ADGRB1: variants seen among roughly 807,000 people sequenced by gnomAD.
ADGRB1 encodes the protein adhesion G protein-coupled receptor B1.
ADGRB1 carries 36 observed loss-of-function variants against 175.7 expected under a neutral mutation model. That is an observed-to-expected ratio of 0.20 (90% CI 0.16 to 0.27). ADGRB1 has a LOEUF of 0.27. Among genes scored for constraint, ADGRB1 ranks in the 10% least tolerant of loss-of-function variants. ADGRB1 has a pLI of 1.00. For missense variants in ADGRB1, 1,731 were observed against 2,255.3 expected, an observed-to-expected ratio of 0.77 and a Z score of 4.71; for synonymous variants, 1,054 against 979.4, an observed-to-expected ratio of 1.08 and a Z score of -1.42.
intron 1 of ADGRB1, among the ~76,000 whole-genome samples, chr8:142,451,254 G>T (rs1839333949): frequency 6.6e-6 from 1 of 152,200 alleles, no homozygotes; most frequent in South Asian, 2.1e-4. Flanking sequence ...GGCCGCGGCG[G>T]CTCCTGCTTG....
At position 142,510,916 on chromosome 8, in the gene ADGRB1, T is replaced by TTCCCCCCCC; in HGVS notation, c.2676-16_2676-15insTCCCCCCCC. The TTCCCCCCCC allele has an allele frequency of 1.0e-6, 1 of 969,730 alleles. No homozygotes were observed. Among genetic ancestry groups the TTCCCCCCCC allele is most frequent in the Non-Finnish European group, 1.3e-6 (1 of 789,290 alleles). 60.1% of individuals were successfully genotyped at this position (969,730 alleles called of 1,614,324 possible). On this transcript the variant is annotated splice_polypyrimidine_tract_variant and intron_variant, in intron 17 of 30. Coordinates refer to ENST00000517894, the MANE Select transcript of ADGRB1 (RefSeq NM_001702.3). This position sits in a 1 kb window ranked among gnomAD's most constrained non-coding sequence, Gnocchi z 6.3. Reference sequence around the variant, plus strand: ...ACGCTCCGCCTGTCTCCCTCCCGTGTCCCGCCCGCCCCCAGACCCTCCTCC... The same window carrying TTCCCCCCCC: ...ACGCTCCGCCTGTCTCCCTCCCGTGTTCCCCCCCCCCCGCCCGCCCCCAGACCCTCCTCC...
rs1841316106 is a variant in ADGRB1 at position 142,481,197 on chromosome 8, G to GC, written c.1829-57_1829-56insC. On this transcript the variant is annotated intron_variant, in intron 9 of 30. Transcript: ENST00000517894. Reference sequence around the variant, plus strand: ...GAAGGTCTGCTGCCAGGGGCCAAGGGTGGGATTCCTGGGCCAGGCAGCGGG... The same window carrying GC: ...GAAGGTCTGCTGCCAGGGGCCAAGGGCTGGGATTCCTGGGCCAGGCAGCGGG... 3.3e-6 allele frequency: 5 copies of GC among 1,521,520 alleles called. No homozygotes were observed. In the East Asian group the frequency reaches 1.1e-4, roughly 34 times the overall value. 94.3% of individuals were successfully genotyped at this position (1,521,520 alleles called of 1,614,324 possible). A position where few individuals can be genotyped will look rare whatever the true frequency, so the allele number is the denominator to read the frequency against.
chr8:142,510,916 T>TAC lies in ADGRB1; in HGVS notation c.2676-16_2676-15insAC. ...ACGCTCCGCCTGTCTCCCTCCCGTG[T>TAC]CCCGCCCGCCCCCAGACCCTCCTCC... is the stretch of plus-strand genomic sequence containing the variant. On this transcript the variant is annotated splice_polypyrimidine_tract_variant and intron_variant, in intron 17 of 30. Coordinates refer to ENST00000517894, the MANE Select transcript of ADGRB1 (RefSeq NM_001702.3). The surrounding 1 kb of genome is among the most constrained non-coding windows in gnomAD (Gnocchi z 6.3). 1.3e-4 allele frequency: 130 copies of TAC among 969,066 alleles called. No homozygotes were observed. Among genetic ancestry groups the TAC allele is most frequent in the Middle Eastern group, 4.8e-4 (1 of 2,088 alleles). The allele number at this position is 969,066 out of a possible 1,614,324, so 60.0% of individuals were successfully genotyped here.
rs191081002 is a variant in ADGRB1 at position 142,519,182 on chromosome 8, G to A, written c.2921+941G>A. The stretch of plus-strand genomic sequence containing the variant: ...GATTCCACAAAACATCTGGGGAATG[G>A]GGTTCAGGGGCTCTGAACTCAGCTC... On this transcript the variant is annotated intron_variant, in intron 19 of 30. Coordinates refer to ENST00000517894, the MANE Select transcript of ADGRB1 (RefSeq NM_001702.3). Among the ~76,000 whole-genome samples the A allele has an allele frequency of 8.5e-5, 13 of 152,250 alleles. No homozygotes were observed. In the East Asian group the frequency reaches 2.5e-3, roughly 29 times the overall value.
intron 13 of ADGRB1, 107 bp downstream of exon 13, chr8:142,484,871 G>T: frequency 1.2e-6 from 1 of 808,440 alleles, no homozygotes. Context: ...TGACCAGACA[G>T]CCTTTGTGGG....
intron 20 of ADGRB1, among the ~76,000 whole-genome samples, chr8:142,521,318 G>C (rs7386136): frequency 0.85 from 129,409 of 152,100 alleles, 57,805 homozygotes; most frequent in Non-Finnish European, 0.98. Context: ...TCACCCCTAC[G>C]CTCGCCAGCC....
chr8:142,534,483 C>T (rs564040890), intron 25 of ADGRB1, among the ~76,000 whole-genome samples: 2 of 152,310 alleles, frequency 1.3e-5, no homozygotes, highest in East Asian at 3.9e-4. Context: ...GCCTGGGTCA[C>T]GTGTCAGCGC....
intron 27 of ADGRB1, among the ~76,000 whole-genome samples, chr8:142,540,276 C>T (rs1011682710): frequency 3.7e-4 from 56 of 152,354 alleles, no homozygotes; most frequent in African/African-American, 1.2e-3. Flanking sequence ...GAAGTGACTT[C>T]GGGGCTGGGC....
chr8:142,508,519 T>G (rs1842940885), intron 17 of ADGRB1, among the ~76,000 whole-genome samples: 1 of 152,234 alleles, frequency 6.6e-6, no homozygotes. Flanking sequence ...GATTCTATTC[T>G]GTGGTTATCA....
chr8:142,477,912 G>A (rs1176063127), intron 6 of ADGRB1, among the ~76,000 whole-genome samples: 1 of 149,430 alleles, frequency 6.7e-6, no homozygotes, highest in East Asian at 2.0e-4. Flanking sequence ...CCATGTCACA[G>A]GCTGGGTGTG....
At chr8:142,523,136 G>T (rs1045213812) in intron 22 of ADGRB1, among the ~76,000 whole-genome samples, 8 of 152,218 alleles carry the variant, frequency 5.3e-5, no homozygotes, top group Non-Finnish European at 1.0e-4. Context: ...GCAGGGGTCG[G>T]AGGCTTATTT....
chr8:142,480,172 G>T (rs531858719), intron 9 of ADGRB1, among the ~76,000 whole-genome samples: 36 of 152,322 alleles, frequency 2.4e-4, no homozygotes, highest in African/African-American at 8.4e-4. Flanking sequence ...CAAGGAGAAA[G>T]CAGGGCTCCA....
chr8:142,479,443 GC>G lies in ADGRB1; in HGVS notation c.1687del (p.Gln563ArgfsTer27). On this transcript the variant is annotated frameshift_variant, in exon 8 of 31. Coordinates refer to ENST00000517894, the MANE Select transcript of ADGRB1 (RefSeq NM_001702.3). LOFTEE classifies it high-confidence loss of function. ...TTCTTCGGGGGAGCAGCCTGCCAGGGCCCCCAGGATGAGTACCGGCAGTGCG... is the reference window on the plus strand; with the variant it reads ...TTCTTCGGGGGAGCAGCCTGCCAGGGCCCCAGGATGAGTACCGGCAGTGCG... ...GPFFGGAACQ[G>X]PQDEYRQCGT... The G allele has an allele frequency of 1.9e-6, 3 of 1,549,396 alleles. No homozygotes were observed. The highest frequency in any genetic ancestry group is 1.2e-5 in the South Asian group (1 of 82,666).
At chr8:142,489,713 G>A (rs1427580919) in intron 16 of ADGRB1, among the ~76,000 whole-genome samples, 2 of 152,174 alleles carry the variant, frequency 1.3e-5, no homozygotes, top group African/African-American at 4.8e-5. Flanking sequence ...CATTGGCCTG[G>A]TCATTCCGCT....
intron 5 of ADGRB1, 49 bp downstream of exon 5, chr8:142,477,327 G>C (rs1270206754): frequency 6.4e-7 from 1 of 1,565,302 alleles, no homozygotes; most frequent in South Asian, 1.1e-5. Context: ...GCAGCGGGGG[G>C]CCAGGGCAGC....
chr8:142,544,122 T>A, intron 30 of ADGRB1, 98 bp from the exon 31 acceptor site: 1 of 1,305,932 alleles, frequency 7.7e-7, no homozygotes, highest in Non-Finnish European at 1.1e-6. Flanking sequence ...CTCCCGTCCC[T>A]TCCTCACTGA....
At chr8:142,467,371 C>T (rs1171953332) in intron 2 of ADGRB1, among the ~76,000 whole-genome samples, 1 of 152,184 alleles carries the variant, frequency 6.6e-6, no homozygotes, top group African/African-American at 2.4e-5. Flanking sequence ...GGTCAGGACG[C>T]TGCAGCAGCA....
At chr8:142,472,620 C>T (rs1360392258) in intron 2 of ADGRB1, among the ~76,000 whole-genome samples, 2 of 152,188 alleles carry the variant, frequency 1.3e-5, no homozygotes, top group African/African-American at 4.8e-5. Flanking sequence ...AGTGAGGGGA[C>T]ACACATCAAA....
chr8:142,536,881 C>T (rs912879934), intron 25 of ADGRB1, 106 bp from the exon 26 acceptor site: 26 of 940,648 alleles, frequency 2.8e-5, no homozygotes, highest in Admixed American at 1.6e-4. Flanking sequence ...CCAGCCCTGC[C>T]CTTCCCCGAG....
Sources: allele counts gnomAD v4.1 joint callset (sites outside exome capture counted in the v4.1 genomes callset), GRCh38; gene constraint gnomAD v4.1.1; non-coding constraint Gnocchi (gnomAD v3.1); transcripts MANE v1.5; gene names NCBI Gene and HGNC (gene_info 2026-07-23, HGNC 2026-07-21).